The following SUSD5 variants were observed in gnomAD, a reference collection of about 807,000 sequenced individuals.
SUSD5 encodes the protein sushi domain-containing protein 5.
A neutral mutation model predicts 29.5 loss-of-function variants in SUSD5; 33 were observed. The ratio of observed to expected loss-of-function variants is 1.12; its 90% CI spans 0.85 to 1.49. SUSD5 has a LOEUF of 1.49. SUSD5 is among the 40% of genes most tolerant of loss of function. The pLI, the probability that SUSD5 is intolerant of heterozygous loss-of-function variation, is 0.00. For synonymous variants in SUSD5, 308 were observed against 325.3 expected (o/e 0.95, Z 0.57); for missense variants, 776 against 800.6 (o/e 0.97, Z 0.37).
At chr3:33,155,364 T>C (rs79608744) in intron 4 of SUSD5, among the ~76,000 whole-genome samples, 3,850 of 152,318 alleles carry the variant, frequency 0.025, 109 homozygotes, top group African/African-American at 0.064. Flanking sequence ...ATGTTAATTA[T>C]AGTCATAATG....
chr3:33,216,662 T>C (rs1423967078), intron 1 of SUSD5, among the ~76,000 whole-genome samples: 4 of 152,336 alleles, frequency 2.6e-5, no homozygotes, highest in East Asian at 1.9e-4. Context: ...ACCATCCTTA[T>C]ACAGATGACA....
intron 3 of SUSD5, among the ~76,000 whole-genome samples, chr3:33,205,903 A>G (rs1276832926): frequency 6.6e-6 from 1 of 152,208 alleles, no homozygotes. Context: ...TTTTGGGGTG[A>G]TATGTTAGCT....
At chr3:33,181,707 T>A (rs73047451) in intron 3 of SUSD5, among the ~76,000 whole-genome samples, 47,487 of 152,052 alleles carry the variant, frequency 0.31, 8,181 homozygotes, top group Middle Eastern at 0.42. Context: ...ATACTGTATT[T>A]TTACTGTACC....
intron 1 of SUSD5, among the ~76,000 whole-genome samples, chr3:33,217,074 G>A (rs1479733592): frequency 1.3e-5 from 2 of 152,106 alleles, no homozygotes; most frequent in South Asian, 2.1e-4. Flanking sequence ...TCTATGACCC[G>A]TATCAAGCTA....
intron 3 of SUSD5, among the ~76,000 whole-genome samples, chr3:33,194,285 G>C (rs1016623347): frequency 6.6e-6 from 1 of 152,138 alleles, no homozygotes; most frequent in African/African-American, 2.4e-5. Context: ...AGGCTGATTT[G>C]AGTAATAATA....
chr3:33,169,925 C>CTT (rs397989135), intron 4 of SUSD5, among the ~76,000 whole-genome samples: 3 of 149,410 alleles, frequency 2.0e-5, no homozygotes, highest in Non-Finnish European at 3.0e-5. Context: ...TTCTTTCTTT[C>CTT]TTTTTTTTTT....
At chr3:33,188,732 C>T (rs1191170540) in intron 3 of SUSD5, among the ~76,000 whole-genome samples, 1 of 152,066 alleles carries the variant, frequency 6.6e-6, no homozygotes, top group Non-Finnish European at 1.5e-5. Flanking sequence ...TAGGGAGGGG[C>T]AGAAGATTAT....
At chr3:33,218,647 A>C in intron 1 of SUSD5, 39 bp downstream of exon 1, 1 of 1,242,442 alleles carries the variant, frequency 8.0e-7, no homozygotes, top group African/African-American at 1.6e-5. Context: ...CCCGGACCCC[A>C]CGCTCCACCC....
At chr3:33,209,471 A>T (rs2032282517) in intron 2 of SUSD5, among the ~76,000 whole-genome samples, 1 of 149,650 alleles carries the variant, frequency 6.7e-6, no homozygotes. Flanking sequence ...TCCCTCTGTT[A>T]TTTATTCTGG....
At chr3:33,196,002 C>A (rs773785496) in intron 3 of SUSD5, among the ~76,000 whole-genome samples, 1 of 152,090 alleles carries the variant, frequency 6.6e-6, no homozygotes, top group African/African-American at 2.4e-5. Flanking sequence ...TAGAATTAAA[C>A]GAACATATGC....
At chr3:33,191,502 C>CATAGG (rs1206420758) in intron 3 of SUSD5, among the ~76,000 whole-genome samples, 11 of 152,034 alleles carry the variant, frequency 7.2e-5, no homozygotes, top group Non-Finnish European at 1.5e-5. Context: ...GCCCTCAGAG[C>CATAGG]ATAGGAAAGT....
rs1378463475 is a variant in SUSD5 at position 33,150,068 on chromosome 3, A to G, written c.*2674T>C. 1 of 152,144 alleles carries G rather than the reference A, an allele frequency of 6.6e-6. No homozygotes were observed. Among genetic ancestry groups the G allele is most frequent in the Non-Finnish European group, 1.5e-5 (1 of 68,030 alleles). The allele number at this position is 152,144 out of a possible 1,614,324, so 9.4% of individuals were successfully genotyped here. A position where few individuals can be genotyped will look rare whatever the true frequency, so the allele number is the denominator to read the frequency against. On this transcript the variant is annotated 3_prime_UTR_variant, in exon 5 of 5. Transcript: ENST00000309558. Reference sequence around the variant, plus strand: ...TTGGGGCAATAATTATTTATTTTAAATATCTCAGAAGCTTTGTGTTAATAG... The same window carrying G: ...TTGGGGCAATAATTATTTATTTTAAGTATCTCAGAAGCTTTGTGTTAATAG...
At chr3:33,201,831 C>T (rs1178457602) in intron 3 of SUSD5, among the ~76,000 whole-genome samples, 1 of 152,190 alleles carries the variant, frequency 6.6e-6, no homozygotes, top group African/African-American at 2.4e-5. Context: ...AGATTCCTAG[C>T]CCTTGCTACC....
At chr3:33,216,609 A>G (rs894300231) in intron 1 of SUSD5, among the ~76,000 whole-genome samples, 26 of 152,186 alleles carry the variant, frequency 1.7e-4, no homozygotes, top group African/African-American at 6.3e-4. Flanking sequence ...TTCTTGCTGT[A>G]AAATTTTTCC....
chr3:33,202,892 T>A (rs2032146660), intron 3 of SUSD5, among the ~76,000 whole-genome samples: 1 of 152,128 alleles, frequency 6.6e-6, no homozygotes, highest in Admixed American at 6.5e-5. Context: ...AGGCTATGTT[T>A]TCCTTCTGGG....
intron 1 of SUSD5, among the ~76,000 whole-genome samples, chr3:33,215,130 A>C (rs1189027825): frequency 6.6e-6 from 1 of 152,076 alleles, no homozygotes; most frequent in Non-Finnish European, 1.5e-5. Context: ...ACACTTCCAT[A>C]GGTGACTGGC....
intron 4 of SUSD5, among the ~76,000 whole-genome samples, chr3:33,156,319 A>G (rs1407360525): frequency 1.3e-5 from 2 of 152,120 alleles, no homozygotes; most frequent in African/African-American, 2.4e-5. Flanking sequence ...GATTACAGGC[A>G]TGAGTCACCG....
At chr3:33,189,665 T>C (rs978274645) in intron 3 of SUSD5, among the ~76,000 whole-genome samples, 3 of 152,282 alleles carry the variant, frequency 2.0e-5, no homozygotes, top group Non-Finnish European at 4.4e-5. Flanking sequence ...ATATTACACA[T>C]AAATCACACT....
At chr3:33,158,357 AAC>A (rs750349033) in intron 4 of SUSD5, among the ~76,000 whole-genome samples, 1 of 152,202 alleles carries the variant, frequency 6.6e-6, no homozygotes, top group Non-Finnish European at 1.5e-5. Flanking sequence ...ACGTGCACAC[AAC>A]ACACACCCTC....
Sources: allele counts gnomAD v4.1 joint callset (sites outside exome capture counted in the v4.1 genomes callset), GRCh38; gene constraint gnomAD v4.1.1; transcripts MANE v1.5; gene names NCBI Gene and HGNC (gene_info 2026-07-23, HGNC 2026-07-21).